The following BLNK variants were observed in gnomAD, a reference collection of about 807,000 sequenced individuals.
BLNK encodes B-cell linker protein.
A neutral mutation model predicts 73.5 loss-of-function variants in BLNK; 29 were observed. That is an observed-to-expected ratio of 0.39 (90% CI 0.29 to 0.54). The LOEUF is 0.54. Ranked by LOEUF, BLNK falls within the 20% of genes least tolerant of loss-of-function variation. The pLI is 0.61. For synonymous variants in BLNK, 176 were observed against 200.8 expected (o/e 0.88, Z 1.04); for missense variants, 460 against 562.8 (o/e 0.82, Z 1.85).
chr10:96,257,808 T>A (rs538668771), intron 1 of BLNK, among the ~76,000 whole-genome samples: 44 of 152,294 alleles, frequency 2.9e-4, no homozygotes, highest in African/African-American at 1.0e-3. Context: ...AACCCGACCC[T>A]CTTGTAATGC....
intron 9 of BLNK, 95 bp downstream of exon 9, chr10:96,209,743 A>T: frequency 6.8e-7 from 1 of 1,463,496 alleles, no homozygotes; most frequent in Non-Finnish European, 9.6e-7. Context: ...GCAGCCTGCC[A>T]TGGGGAGAAC....
At chr10:96,267,578 A>G (rs1264580909) in intron 1 of BLNK, among the ~76,000 whole-genome samples, 2 of 152,184 alleles carry the variant, frequency 1.3e-5, no homozygotes, top group Non-Finnish European at 2.9e-5. Flanking sequence ...AATCCATTAG[A>G]AAAGGTCTCA....
chr10:96,218,555 A>T (rs1247787781), intron 6 of BLNK, among the ~76,000 whole-genome samples: 3 of 151,998 alleles, frequency 2.0e-5, no homozygotes, highest in Admixed American at 6.6e-5. Flanking sequence ...TTAGCCAAAC[A>T]TATTGGTATG....
chr10:96,268,946 T>G lies in BLNK; in HGVS notation c.47+2406A>C, dbSNP rs189767414. Among the ~76,000 whole-genome samples, 28 of 152,330 alleles carry G rather than the reference T, an allele frequency of 1.8e-4. No homozygotes were observed. The East Asian group carries it at 3.5e-3, about 19-fold the overall frequency. Reference sequence around the variant, plus strand: ...AAATAATTACATGGTTAATCAACCTTCAGAATTGATGTCAACCAGTCAGGA... The same window carrying G: ...AAATAATTACATGGTTAATCAACCTGCAGAATTGATGTCAACCAGTCAGGA... On this transcript the variant is annotated intron_variant, in intron 1 of 16. Coordinates refer to ENST00000224337, the MANE Select transcript of BLNK (RefSeq NM_013314.4).
At position 96,227,563 on chromosome 10, in the gene BLNK, T is replaced by C. The variant is rs2134032306; in HGVS notation, c.208A>G (p.Ser70Gly). ...EEEQWSDDFD[S>G]DYENPDEHSD... Reference sequence around the variant, plus strand: ...TGCTCATCTGGATTTTCATAGTCGCTGTCCTGCAAGTGCAGATGCAGACAC... The same window carrying C: ...TGCTCATCTGGATTTTCATAGTCGCCGTCCTGCAAGTGCAGATGCAGACAC... The change falls in exon 5 of 17, where the codon AGC becomes GGC. Residue 70 changes from serine to glycine, a missense_variant. This residue lies in a region of BLNK where 139 missense variants were observed against 187.3 expected (regional missense o/e 0.74). Coordinates refer to ENST00000224337, the MANE Select transcript of BLNK (RefSeq NM_013314.4). 6.2e-7 allele frequency: 1 copy of C among 1,614,046 alleles called. No homozygotes were observed.
At chr10:96,252,612 CTT>C (rs1554909467) in intron 1 of BLNK, among the ~76,000 whole-genome samples, 1 of 152,190 alleles carries the variant, frequency 6.6e-6, no homozygotes, top group Non-Finnish European at 1.5e-5. Context: ...GGACTGTTGA[CTT>C]TTCTCTGTAT....
chr10:96,212,138 AG>A (rs1364223102), intron 8 of BLNK, among the ~76,000 whole-genome samples: 1 of 152,296 alleles, frequency 6.6e-6, no homozygotes, highest in Non-Finnish European at 1.5e-5. Context: ...TGACAATCAG[AG>A]GACAGCATGA....
In BLNK at chr10:96,191,866, T is replaced by G; in HGVS notation, c.*107A>C. ...TAGCTGACTCCATCTTCCATTTTAT[T>G]ACTGGATGATTCATAATCCAAAATA... On this transcript the variant is annotated 3_prime_UTR_variant, in exon 17 of 17. Transcript: ENST00000224337. 1 of 1,450,080 alleles carries G rather than the reference T, an allele frequency of 6.9e-7. No homozygotes were observed. The highest frequency in any genetic ancestry group is 9.6e-7 in the Non-Finnish European group (1 of 1,038,658). 89.8% of individuals were successfully genotyped at this position (1,450,080 alleles called of 1,614,324 possible).
chr10:96,242,538 G>A (rs1361647270), intron 3 of BLNK, among the ~76,000 whole-genome samples, 197 bp downstream of exon 3: 1 of 152,178 alleles, frequency 6.6e-6, no homozygotes, highest in South Asian at 2.1e-4. Context: ...CAATAAATAG[G>A]TGGGTGGATG....
At chr10:96,215,223 A>G in intron 8 of BLNK, 98 bp downstream of exon 8, 1 of 1,315,924 alleles carries the variant, frequency 7.6e-7, no homozygotes, top group South Asian at 1.2e-5. Context: ...TCCCAATATT[A>G]AGACATTTGG....
Position 96,227,976 on chromosome 10 carries a change from G to A in BLNK, c.205-410C>T, listed in dbSNP as rs1251271887. Among the ~76,000 whole-genome samples the A allele has an allele frequency of 3.9e-5, 6 of 152,216 alleles. No homozygotes were observed. The South Asian group carries it at 1.0e-3, about 26-fold the overall frequency. ...AATAGGTTTAATACGAAGAGGGTGA[G>A]GAGACACACAGGGCCAGCTAGATAT... is the stretch of plus-strand genomic sequence containing the variant. On this transcript the variant is annotated intron_variant, in intron 4 of 16. Coordinates refer to ENST00000224337, the MANE Select transcript of BLNK (RefSeq NM_013314.4).
At position 96,189,443 on chromosome 10, in the gene BLNK, C is replaced by G; in HGVS notation, c.*2530G>C. On this transcript the variant is annotated 3_prime_UTR_variant, in exon 17 of 17. Transcript: ENST00000224337. ...AGCAATTCTTCACATAATTGATGAACTTGGCTTCCACTTTGGGAAGAGAAC... is the reference window on the plus strand; with the variant it reads ...AGCAATTCTTCACATAATTGATGAAGTTGGCTTCCACTTTGGGAAGAGAAC... 1.6e-6 allele frequency: 1 copy of G among 613,380 alleles called. No individual in the cohort carries two copies. 38.0% of individuals were successfully genotyped at this position (613,380 alleles called of 1,614,324 possible).
At chr10:96,225,876 G>A (rs1842237253) in intron 5 of BLNK, among the ~76,000 whole-genome samples, 2 of 152,134 alleles carry the variant, frequency 1.3e-5, no homozygotes, top group South Asian at 2.1e-4. Context: ...AACTCCTGAC[G>A]TCAGGTGATC....
At chr10:96,240,224 G>A (rs114459382) in intron 3 of BLNK, among the ~76,000 whole-genome samples, 1 of 152,094 alleles carries the variant, frequency 6.6e-6, no homozygotes, top group Admixed American at 6.5e-5. Context: ...GTTGTATGTT[G>A]TTCCCCACTC....
intron 3 of BLNK, among the ~76,000 whole-genome samples, chr10:96,235,049 G>A (rs1842646690): frequency 6.6e-6 from 1 of 152,196 alleles, no homozygotes; most frequent in Non-Finnish European, 1.5e-5. Context: ...CCTGACCCAG[G>A]TTTTAAGATT....
At chr10:96,196,136 T>G (rs10491069) in intron 16 of BLNK, among the ~76,000 whole-genome samples, 60,602 of 152,116 alleles carry the variant, frequency 0.4, 12,943 homozygotes, top group Middle Eastern at 0.6. Flanking sequence ...ATTTCTTACC[T>G]TGAATTTTGT....
chr10:96,208,641 C>T (rs1310346485), intron 9 of BLNK, among the ~76,000 whole-genome samples: 4 of 152,110 alleles, frequency 2.6e-5, no homozygotes, highest in African/African-American at 9.7e-5. Flanking sequence ...TTGTATGCTC[C>T]TTTTCTGTGT....
chr10:96,212,577 TC>T (rs1554898879), intron 8 of BLNK, among the ~76,000 whole-genome samples: 9 of 152,212 alleles, frequency 5.9e-5, no homozygotes, highest in African/African-American at 9.7e-5. Flanking sequence ...TCTACTGGCT[TC>T]TCAAGCACAG....
intron 6 of BLNK, among the ~76,000 whole-genome samples, chr10:96,220,348 G>T (rs2084169226): frequency 6.6e-6 from 1 of 152,162 alleles, no homozygotes; most frequent in Non-Finnish European, 1.5e-5. Context: ...CCACTTCAAT[G>T]ATATTTCTGG....
Sources: gnomAD v4.1 joint callset for allele counts (sites outside exome capture counted in the v4.1 genomes callset) on GRCh38, gnomAD v4.1.1 for gene constraint, gnomAD v4.1.1 regional missense constraint, MANE v1.5 for transcripts, NCBI Gene and HGNC (gene_info 2026-07-23, HGNC 2026-07-21) for gene names.